Variants in FTO observed in about 807,000 individuals in gnomAD.
The protein encoded by FTO is FTO alpha-ketoglutarate dependent dioxygenase, also known as alpha-ketoglutarate-dependent dioxygenase FTO.
In FTO, 47 loss-of-function variants were observed where a neutral mutation model predicts 63.9. The ratio of observed to expected loss-of-function variants is 0.74; its 90% confidence interval spans 0.58 to 0.94. The LOEUF (loss-of-function observed/expected upper bound fraction) is 0.94. Ranked by LOEUF, FTO falls within the 40% of genes least tolerant of loss-of-function variation. The probability of loss-of-function intolerance (pLI) is 0.00; values close to 1 mark genes in which losing one functional copy is unlikely to be tolerated. For missense variants in FTO, 562 were observed against 618.1 expected, an observed-to-expected ratio of 0.91 and a Z score of 0.96; for synonymous variants, 207 against 224.4, an observed-to-expected ratio of 0.92 and a Z score of 0.69.
chr16:53,935,143 C>A lies in FTO; in HGVS notation c.1364+1034C>A, dbSNP rs139406217. On this transcript the variant is annotated intron_variant, in intron 8 of 8. Coordinates refer to ENST00000471389, the MANE Select transcript of FTO (RefSeq NM_001080432.3). ...TTGTAAAAATTATTGAATTGTCATC[C>A]GTCTCTAAGCCAGAGGGAGAGGAAT... Among the ~76,000 whole-genome samples the A allele has an allele frequency of 2.3e-3, 355 of 152,226 alleles. 1 individual carries two copies. The highest frequency in any genetic ancestry group is 6.8e-3 in the Middle Eastern group (2 of 294).
intron 3 of FTO, among the ~76,000 whole-genome samples, chr16:53,843,296 A>T (rs764244200): frequency 6.6e-6 from 1 of 152,190 alleles, no homozygotes; most frequent in Non-Finnish European, 1.5e-5. Context: ...TGTAATTTTG[A>T]TAGTATTGCC....
chr16:53,922,875 C>T (rs1167404867), intron 7 of FTO, among the ~76,000 whole-genome samples: 1 of 152,198 alleles, frequency 6.6e-6, no homozygotes, highest in African/African-American at 2.4e-5. Context: ...TTCTGAGGCT[C>T]TTCCTTCCAG....
intron 8 of FTO, among the ~76,000 whole-genome samples, chr16:54,006,111 G>A (rs1412506468): frequency 1.3e-5 from 2 of 152,154 alleles, no homozygotes; most frequent in Non-Finnish European, 2.9e-5. Context: ...GAAAGTAGCT[G>A]AACATGATTT....
At chr16:54,025,739 G>A (rs541268927) in intron 8 of FTO, among the ~76,000 whole-genome samples, 9 of 151,988 alleles carry the variant, frequency 5.9e-5, no homozygotes, top group East Asian at 1.9e-4. Flanking sequence ...GTGGCTGGGC[G>A]CGGTGGCTCG....
intron 8 of FTO, among the ~76,000 whole-genome samples, chr16:54,081,179 A>G (rs1389053403): frequency 2.6e-5 from 4 of 152,128 alleles, no homozygotes; most frequent in African/African-American, 9.7e-5. Context: ...AAAGAAGCCA[A>G]CTTGTAGAGG....
chr16:53,710,005 A>AT (rs1485547741), intron 1 of FTO, among the ~76,000 whole-genome samples: 2 of 151,904 alleles, frequency 1.3e-5, no homozygotes, highest in East Asian at 3.9e-4. Context: ...ATTTTATAGC[A>AT]TTTTTTTCCT....
chr16:53,705,567 T>C (rs1273308362), intron 1 of FTO, among the ~76,000 whole-genome samples: 1 of 152,260 alleles, frequency 6.6e-6, no homozygotes. Context: ...CGTGAGTCTG[T>C]TTAGGGCAAT....
intron 8 of FTO, among the ~76,000 whole-genome samples, chr16:54,050,259 A>C (rs2144326109): frequency 6.6e-6 from 1 of 152,234 alleles, no homozygotes; most frequent in South Asian, 2.1e-4. Context: ...TTCGGGAGAG[A>C]TCACAGTGGA....
chr16:53,878,425 C>T (rs1048556715), intron 5 of FTO, among the ~76,000 whole-genome samples: 12 of 152,118 alleles, frequency 7.9e-5, no homozygotes, highest in Admixed American at 5.9e-4. Context: ...GCACCCAGCA[C>T]TCTGGGATCT....
chr16:53,879,232 A>G (rs1405274974), intron 5 of FTO, among the ~76,000 whole-genome samples: 1 of 152,224 alleles, frequency 6.6e-6, no homozygotes, highest in Middle Eastern at 3.2e-3. Flanking sequence ...TATTTAACAT[A>G]TATAAATAGG....
Position 53,889,063 on chromosome 16 carries a change from T to C in FTO, c.1239+112T>C, listed in dbSNP as rs58160537. 4,216 of 1,266,432 alleles carry C rather than the reference T, an allele frequency of 3.3e-3. 117 individuals are homozygous for C. The African/African-American group carries it at 0.053, about 16-fold the overall frequency. The allele number at this position is 1,266,432 out of a possible 1,614,324, so 78.4% of individuals were successfully genotyped here. ...ATTTAATTATTCCTAATTATCAAGT[T>C]AGATTCTTCTTGGTAAGGTGATGGG... On this transcript the variant is annotated intron_variant, in intron 7 of 8. Coordinates refer to ENST00000471389, the MANE Select transcript of FTO (RefSeq NM_001080432.3).
At chr16:54,025,419 G>T (rs1419041971) in intron 8 of FTO, among the ~76,000 whole-genome samples, 2 of 152,168 alleles carry the variant, frequency 1.3e-5, no homozygotes, top group Admixed American at 6.5e-5. Flanking sequence ...ATTTATCCTA[G>T]AGATAAATGT....
intron 8 of FTO, among the ~76,000 whole-genome samples, chr16:54,109,285 T>A (rs1455046689): frequency 6.6e-6 from 1 of 152,208 alleles, no homozygotes; most frequent in African/African-American, 2.4e-5. Context: ...CTGTCAGAGC[T>A]TGCATGCAAA....
At chr16:53,872,289 G>A (rs1440552680) in intron 4 of FTO, among the ~76,000 whole-genome samples, 1 of 152,214 alleles carries the variant, frequency 6.6e-6, no homozygotes, top group African/African-American at 2.4e-5. Context: ...ACATGCACAG[G>A]TCAGTGCTCT....
intron 8 of FTO, chr16:53,965,740 G>A (rs992593172): frequency 9.2e-5 from 14 of 152,074 alleles, no homozygotes; most frequent in Admixed American, 9.2e-4. Flanking sequence ...ATAGGGCAGT[G>A]GAAAAAGAAT....
At chr16:54,009,018 A>C (rs1025388169) in intron 8 of FTO, among the ~76,000 whole-genome samples, 50 of 149,884 alleles carry the variant, frequency 3.3e-4, no homozygotes, top group Non-Finnish European at 5.9e-4. Context: ...TCCCCCCCCC[A>C]AAAAAAAAGT....
At chr16:54,020,453 G>A (rs769121247) in intron 8 of FTO, among the ~76,000 whole-genome samples, 18 of 152,144 alleles carry the variant, frequency 1.2e-4, no homozygotes, top group Non-Finnish European at 2.5e-4. Flanking sequence ...CTGTTTTACA[G>A]TTTCATAAGG....
Position 54,089,145 on chromosome 16 carries a change from T to A in FTO, c.1365-22617T>A, listed in dbSNP as rs764545656. Among the ~76,000 whole-genome samples, 70 of 152,278 alleles carry A rather than the reference T, an allele frequency of 4.6e-4. 1 individual carries two copies. Among genetic ancestry groups the A allele is most frequent in the Non-Finnish European group, 4.7e-4 (32 of 68,022 alleles). On this transcript the variant is annotated intron_variant, in intron 8 of 8. Coordinates refer to ENST00000471389, the MANE Select transcript of FTO (RefSeq NM_001080432.3). ...TGAGATACTCACCAGTTAATTGCCTTTGGGTTAGTGGAAGAAGTAAGTCAC... is the reference window on the plus strand; with the variant it reads ...TGAGATACTCACCAGTTAATTGCCTATGGGTTAGTGGAAGAAGTAAGTCAC...
At position 53,860,165 on chromosome 16, in the gene FTO, C is replaced by T. The variant is rs369298168; in HGVS notation, c.896-13621C>T. 1.2e-4 allele frequency among the ~76,000 whole-genome samples: 18 copies of T among 152,230 alleles called. 1 individual carries two copies. Among genetic ancestry groups the T allele is most frequent in the African/African-American group, 3.6e-4 (15 of 41,544 alleles). ...ACTCAGTCTTAAAAAAGAAGGAAAT[C>T]GTGTCATGTGTGACAGTGTGGAATA... On this transcript the variant is annotated intron_variant, in intron 4 of 8. Coordinates refer to ENST00000471389, the MANE Select transcript of FTO (RefSeq NM_001080432.3).
Sources: allele counts gnomAD v4.1 joint callset (sites outside exome capture counted in the v4.1 genomes callset), GRCh38; gene constraint gnomAD v4.1.1; transcripts MANE v1.5; gene names NCBI Gene and HGNC (gene_info 2026-07-23, HGNC 2026-07-21).